Variants in SEZ6L observed in about 807,000 individuals in gnomAD.
SEZ6L encodes seizure related 6 homolog like, also known as seizure 6-like protein.
In SEZ6L, 37 loss-of-function variants were observed where a neutral mutation model predicts 106.2. That is an observed-to-expected ratio of 0.35 (90% confidence interval 0.27 to 0.46). The LOEUF is 0.46. Ranked by LOEUF, SEZ6L falls within the 20% of genes least tolerant of loss-of-function variation. The pLI is 1.00. For synonymous variants in SEZ6L, 541 were observed against 570.4 expected (o/e 0.95, Z 0.73); for missense variants, 1,172 against 1,332.8 (o/e 0.88, Z 1.88).
intron 1 of SEZ6L, among the ~76,000 whole-genome samples, chr22:26,181,014 G>A (rs1041172550): frequency 6.6e-6 from 1 of 152,126 alleles, no homozygotes; most frequent in African/African-American, 2.4e-5. Flanking sequence ...GTCATGCTGG[G>A]GCAAGTCACT....
chr22:26,329,843 T>C (rs2145964634), intron 9 of SEZ6L, among the ~76,000 whole-genome samples: 1 of 152,358 alleles, frequency 6.6e-6, no homozygotes, highest in East Asian at 1.9e-4. Flanking sequence ...TTTAAACATG[T>C]CCCTTCTAAG....
chr22:26,329,058 C>T (rs2082403013), intron 9 of SEZ6L, among the ~76,000 whole-genome samples: 1 of 152,104 alleles, frequency 6.6e-6, no homozygotes, highest in Non-Finnish European at 1.5e-5. Flanking sequence ...GATTGAGAAC[C>T]ACGGGGCAGT....
chr22:26,297,533 T>C (rs1290075784), intron 4 of SEZ6L, among the ~76,000 whole-genome samples: 1 of 152,182 alleles, frequency 6.6e-6, no homozygotes, highest in Admixed American at 6.5e-5. Context: ...TTAATGAAAA[T>C]AAGCAAGCAG....
chr22:26,305,891 T>G, intron 5 of SEZ6L, 88 bp from the exon 6 acceptor site: 3 of 941,374 alleles, frequency 3.2e-6, no homozygotes, highest in Non-Finnish European at 2.9e-6. Context: ...CACTTCCTTC[T>G]CTCTCTCTCT....
At position 26,313,894 on chromosome 22, in the gene SEZ6L, T is replaced by C. The variant is rs2081922007; in HGVS notation, c.2007T>C (p.Asp669=). ...GAGAAGAGAAACGGATCTTCTTAGA[T>C]ATCCAGTTGTGAGTGTTTAAAATGG... ...HVGEEKRIFL[D]IQFLNLSNSD... Residue 669 remains aspartate (D), a synonymous_variant, in exon 9 of 17, where the codon GAT becomes GAC. Coordinates refer to ENST00000248933, the MANE Select transcript of SEZ6L (RefSeq NM_021115.5). 2 of 1,598,620 alleles carry C rather than the reference T, an allele frequency of 1.3e-6. No homozygotes were observed. The highest frequency in any genetic ancestry group is 1.7e-6 in the Non-Finnish European group (2 of 1,166,716).
intron 1 of SEZ6L, among the ~76,000 whole-genome samples, chr22:26,198,504 T>C (rs1317722647): frequency 2.0e-5 from 3 of 152,250 alleles, no homozygotes; most frequent in Admixed American, 6.5e-5. Flanking sequence ...TCTTGGTTAG[T>C]TTATGCTGAT....
chr22:26,183,836 T>G (rs1055157848), intron 1 of SEZ6L, among the ~76,000 whole-genome samples: 1 of 152,214 alleles, frequency 6.6e-6, no homozygotes, highest in Admixed American at 6.5e-5. Flanking sequence ...AATCAGTTAA[T>G]GAGGTTTGGC....
chr22:26,212,352 A>G (rs1311148157), intron 1 of SEZ6L, among the ~76,000 whole-genome samples: 1 of 152,230 alleles, frequency 6.6e-6, no homozygotes, highest in Admixed American at 6.5e-5. Flanking sequence ...TCATTGGAAT[A>G]AAAGATTCTA....
intron 6 of SEZ6L, among the ~76,000 whole-genome samples, chr22:26,307,623 T>C (rs200381958): frequency 1.3e-5 from 2 of 152,262 alleles, no homozygotes; most frequent in East Asian, 1.9e-4. Flanking sequence ...CTCCCGAACG[T>C]GGCTTTTTAG....
chr22:26,215,362 C>A (rs1253133693), intron 1 of SEZ6L, among the ~76,000 whole-genome samples: 1 of 152,132 alleles, frequency 6.6e-6, no homozygotes, highest in African/African-American at 2.4e-5. Context: ...AATTTCTCAA[C>A]CCTCACCCCA....
intron 1 of SEZ6L, among the ~76,000 whole-genome samples, chr22:26,262,048 C>G (rs1048774765): frequency 6.6e-6 from 1 of 151,972 alleles, no homozygotes; most frequent in Non-Finnish European, 1.5e-5. Flanking sequence ...AAAGCTTAGT[C>G]AAACCATTTG....
chr22:26,315,445 C>G lies in SEZ6L; in HGVS notation c.2015+1543C>G, dbSNP rs575033920. Among the ~76,000 whole-genome samples, 11 of 151,958 alleles carry G rather than the reference C, an allele frequency of 7.2e-5. No individual in the cohort carries two copies. The East Asian group carries it at 2.1e-3, about 30-fold the overall frequency. Reference sequence around the variant, plus strand: ...AGTGAGCCATGATCATGCCACTGCACTCCAGCCTGGGTGACAGAGTAAGAC... The same window carrying G: ...AGTGAGCCATGATCATGCCACTGCAGTCCAGCCTGGGTGACAGAGTAAGAC... On this transcript the variant is annotated intron_variant, in intron 9 of 16. Coordinates refer to ENST00000248933, the MANE Select transcript of SEZ6L (RefSeq NM_021115.5).
At chr22:26,267,427 T>A (rs529898899) in intron 1 of SEZ6L, among the ~76,000 whole-genome samples, 98 of 152,318 alleles carry the variant, frequency 6.4e-4, no homozygotes, top group African/African-American at 2.3e-3. Context: ...CAAGGACCTT[T>A]TTGTAGAGAG....
At chr22:26,371,047 T>C (rs1039928544) in intron 13 of SEZ6L, among the ~76,000 whole-genome samples, 1 of 151,452 alleles carries the variant, frequency 6.6e-6, no homozygotes, top group Non-Finnish European at 1.5e-5. Flanking sequence ...CATATCATGC[T>C]GTATTCTGTG....
At chr22:26,209,716 G>T (rs1002518319) in intron 1 of SEZ6L, among the ~76,000 whole-genome samples, 7 of 149,170 alleles carry the variant, frequency 4.7e-5, no homozygotes, top group Non-Finnish European at 8.9e-5. Flanking sequence ...GAGGAAGGAG[G>T]AAGGGGAGGA....
At chr22:26,313,948 A>G (rs773227798) in intron 9 of SEZ6L, 46 bp downstream of exon 9, 4 of 1,570,546 alleles carry the variant, frequency 2.5e-6, no homozygotes, top group Non-Finnish European at 3.5e-6. Flanking sequence ...AAAATTTGGG[A>G]GATTGAGAAA....
In SEZ6L at chr22:26,294,422, C is replaced by G. The variant is rs751436350; in HGVS notation, c.966C>G (p.Leu322=). The change falls in exon 3 of 17, where the codon CTC becomes CTG. Residue 322 remains leucine, a synonymous_variant. Transcript: ENST00000248933. ...TCTACACTGGCTATGGGGTGGAGCTCCAGGTAACCCCAGGAGAGTACCTCA... is the reference window on the plus strand; with the variant it reads ...TCTACACTGGCTATGGGGTGGAGCTGCAGGTAACCCCAGGAGAGTACCTCA... ...VTVYTGYGVE[L]QVKSVNLSDG... 8.7e-6 allele frequency: 14 copies of G among 1,613,868 alleles called. No homozygotes were observed. Among genetic ancestry groups the G allele is most frequent in the South Asian group, 1.1e-5 (1 of 91,030 alleles).
At chr22:26,333,158 C>T (rs1458044764) in intron 9 of SEZ6L, among the ~76,000 whole-genome samples, 1 of 152,192 alleles carries the variant, frequency 6.6e-6, no homozygotes, top group Non-Finnish European at 1.5e-5. Context: ...CCACAAATGG[C>T]TGCTCAGGCC....
rs771972637 is a variant in SEZ6L, at chr22:26,297,049, C to G, written c.1131C>G (p.Asp377Glu). Residue 377 changes from aspartate (D) to glutamate (E), a missense_variant, in exon 4 of 17, where the codon GAC becomes GAG. Asp to Glu is a conservative substitution (Grantham distance 45). Around this residue, in one of 4 missense-constraint regions of SEZ6L, gnomAD observed 534 missense variants for 691.0 expected, o/e 0.77. Coordinates refer to ENST00000248933, the MANE Select transcript of SEZ6L (RefSeq NM_021115.5). Reference sequence around the variant, plus strand: ...TCTACTTCCGGACCTTCCAGGACGACGGCCTTGGGACCTTCCAGCTTCACT... The same window carrying G: ...TCTACTTCCGGACCTTCCAGGACGAGGGCCTTGGGACCTTCCAGCTTCACT... ...ISVYFRTFQDDGLGTFQLHYQ... is the reference protein window; with the variant it reads ...ISVYFRTFQDEGLGTFQLHYQ... 15 of 1,613,416 alleles carry G rather than the reference C, an allele frequency of 9.3e-6. No individual in the cohort carries two copies. The Admixed American group carries it at 1.8e-4, about 20-fold the overall frequency.
Sources: allele counts gnomAD v4.1 joint callset (sites outside exome capture counted in the v4.1 genomes callset), GRCh38; gene constraint gnomAD v4.1.1; regional missense constraint gnomAD v4.1.1; transcripts MANE v1.5; gene names NCBI Gene and HGNC (gene_info 2026-07-23, HGNC 2026-07-21).